IL1RAPL1: variants seen among roughly 807,000 people sequenced by gnomAD.
The protein encoded by IL1RAPL1 is interleukin 1 receptor accessory protein like 1.
Under a neutral mutation model 48.4 loss-of-function variants are expected in IL1RAPL1, and 3 were observed. That is an observed-to-expected ratio of 0.06 (90% CI 0.03 to 0.16). The LOEUF (loss-of-function observed/expected upper bound fraction) is 0.16. Among genes scored for constraint, IL1RAPL1 ranks in the 10% least tolerant of loss-of-function variants. The pLI is 1.00. For missense variants in IL1RAPL1, 349 were observed against 530.6 expected (o/e 0.66, Z 3.36); for synonymous variants, 185 against 187.7 (o/e 0.99, Z 0.12).
intron 2 of IL1RAPL1, among the ~76,000 whole-genome samples, chrX:28,838,847 G>T (rs745773960): frequency 9.0e-6 from 1 of 110,959 alleles, no homozygotes; most frequent in Admixed American, 9.7e-5. Context: ...CTACTTGGAA[G>T]TTTACTAGGG....
Position 29,099,396 on chromosome X carries a change from G to C in IL1RAPL1, c.83-183542G>C, listed in dbSNP as rs1217430832. 4.5e-5 allele frequency among the ~76,000 whole-genome samples: 5 copies of C among 111,813 alleles called. No individual in the cohort carries two copies. The East Asian group carries it at 1.4e-3, about 31-fold the overall frequency. The stretch of plus-strand genomic sequence containing the variant: ...ATTATTAATAATACTATTATAGGTA[G>C]TGTTTGTGGAAAATTTACTATTTGA... On this transcript the variant is annotated intron_variant, in intron 2 of 10. Coordinates refer to ENST00000378993, the MANE Select transcript of IL1RAPL1 (RefSeq NM_014271.4).
chrX:28,923,800 A>G (rs988696403), intron 2 of IL1RAPL1, among the ~76,000 whole-genome samples: 19 of 111,770 alleles, frequency 1.7e-4, no homozygotes, highest in Non-Finnish European at 3.6e-4. Context: ...TTATAATTCT[A>G]TAATATATTA....
At chrX:29,878,874 A>G (rs1389785453) in intron 6 of IL1RAPL1, among the ~76,000 whole-genome samples, 2 of 111,767 alleles carry the variant, frequency 1.8e-5, no homozygotes, top group African/African-American at 6.5e-5. Flanking sequence ...CACTTACCAT[A>G]TGACCCAGCA....
intron 1 of IL1RAPL1, among the ~76,000 whole-genome samples, chrX:28,759,926 T>C (rs1384419496): frequency 8.9e-6 from 1 of 111,870 alleles, no homozygotes; most frequent in East Asian, 2.8e-4. Flanking sequence ...AAGACAAATA[T>C]CCTCTAAATC....
intron 6 of IL1RAPL1, among the ~76,000 whole-genome samples, chrX:29,717,258 A>T (rs1466805651): frequency 9.1e-6 from 1 of 110,080 alleles, no homozygotes; most frequent in African/African-American, 3.3e-5. Flanking sequence ...AAATAGGTTC[A>T]CATGTTTCCT....
chrX:29,913,200 G>A (rs1354208542), intron 6 of IL1RAPL1, among the ~76,000 whole-genome samples: 1 of 110,950 alleles, frequency 9.0e-6, no homozygotes, highest in Non-Finnish European at 1.9e-5. Flanking sequence ...TAGTGTCTAG[G>A]CTGTGAGCAG....
intron 5 of IL1RAPL1, among the ~76,000 whole-genome samples, chrX:29,617,784 C>T (rs1224719895): frequency 1.8e-5 from 2 of 111,619 alleles, no homozygotes; most frequent in African/African-American, 6.5e-5. Context: ...TAAGAATGCC[C>T]GAGGTAGTCC....
intron 3 of IL1RAPL1, among the ~76,000 whole-genome samples, chrX:29,358,317 GC>G (rs1933331309): frequency 9.1e-6 from 1 of 110,145 alleles, no homozygotes; most frequent in African/African-American, 3.3e-5. Context: ...CATTTTTTGA[GC>G]CCCAGTAAGT....
intron 2 of IL1RAPL1, among the ~76,000 whole-genome samples, chrX:29,277,391 G>A (rs987912705): frequency 8.9e-6 from 1 of 111,977 alleles, no homozygotes; most frequent in Admixed American, 9.5e-5. Flanking sequence ...ATGCAAGGCA[G>A]GAATAACATG....
At chrX:29,919,778 A>T (rs1342207050) in intron 7 of IL1RAPL1, among the ~76,000 whole-genome samples, 171 bp from the exon 8 acceptor site, 1 of 112,601 alleles carries the variant, frequency 8.9e-6, no homozygotes, top group African/African-American at 3.2e-5. Context: ...CCTCATTACA[A>T]GTGAAGAAGA....
intron 5 of IL1RAPL1, among the ~76,000 whole-genome samples, chrX:29,577,782 G>C (rs1205376326): frequency 8.9e-6 from 1 of 111,739 alleles, no homozygotes; most frequent in African/African-American, 3.3e-5. Flanking sequence ...AAGTATTGCT[G>C]GTTCTGCTAT....
intron 1 of IL1RAPL1, among the ~76,000 whole-genome samples, chrX:28,610,574 C>T (rs1026203757): frequency 8.9e-6 from 1 of 112,176 alleles, no homozygotes; most frequent in African/African-American, 3.2e-5. Flanking sequence ...CAGTTAGCAT[C>T]ATTTTGTCCC....
rs1932470360 is a variant in IL1RAPL1, at chrX:29,297,728, G to A, written c.362+14511G>A. Among the ~76,000 whole-genome samples the A allele has an allele frequency of 2.7e-5, 3 of 112,109 alleles. No individual in the cohort carries two copies. The South Asian group carries it at 1.1e-3, about 41-fold the overall frequency. ...TACTGAAAATCGAGCTGGATCTTTT[G>A]ATTTCTTAATCAGTGCACTCATAAA... is the stretch of plus-strand genomic sequence containing the variant. On this transcript the variant is annotated intron_variant, in intron 3 of 10. Coordinates refer to ENST00000378993, the MANE Select transcript of IL1RAPL1 (RefSeq NM_014271.4).
chrX:29,514,937 T>C (rs777479159), intron 5 of IL1RAPL1, among the ~76,000 whole-genome samples: 1 of 112,773 alleles, frequency 8.9e-6, no homozygotes, highest in South Asian at 3.6e-4. Flanking sequence ...CTTTGAAATA[T>C]AATATTCCCT....
chrX:29,044,037 C>A (rs1250572062), intron 2 of IL1RAPL1, among the ~76,000 whole-genome samples: 1 of 112,055 alleles, frequency 8.9e-6, no homozygotes, highest in Non-Finnish European at 1.9e-5. Context: ...ATTGAATAAG[C>A]TGAATTAGAC....
intron 6 of IL1RAPL1, among the ~76,000 whole-genome samples, chrX:29,737,730 T>C (rs934174567): frequency 3.6e-5 from 4 of 112,431 alleles, no homozygotes; most frequent in Admixed American, 2.8e-4. Flanking sequence ...ATAATCAATT[T>C]TTATAAGAAG....
intron 3 of IL1RAPL1, among the ~76,000 whole-genome samples, chrX:29,372,898 A>G (rs1377833358): frequency 9.9e-6 from 1 of 101,401 alleles, no homozygotes; most frequent in African/African-American, 3.7e-5. Flanking sequence ...GGATTGCTTT[A>G]GCTATTCAGG....
At chrX:28,792,438 A>G (rs73446754) in intron 2 of IL1RAPL1, among the ~76,000 whole-genome samples, 7,981 of 109,883 alleles carry the variant, frequency 0.073, 515 homozygotes, top group African/African-American at 0.21. Flanking sequence ...GAAATGCATT[A>G]TTTTTATCAC....
chrX:29,865,621 T>TTTTTC (rs1569188836), intron 6 of IL1RAPL1, among the ~76,000 whole-genome samples: 7 of 106,032 alleles, frequency 6.6e-5, no homozygotes, highest in Admixed American at 1.0e-4. Flanking sequence ...ATGTGCTGTT[T>TTTTTC]TTTTCTTTTC....
Sources: allele counts gnomAD v4.1 joint callset (sites outside exome capture counted in the v4.1 genomes callset), GRCh38; gene constraint gnomAD v4.1.1; transcripts MANE v1.5; gene names NCBI Gene and HGNC (gene_info 2026-07-23, HGNC 2026-07-21).